The following PYGB variants were observed in gnomAD, a reference collection of about 807,000 sequenced individuals.
PYGB encodes the protein glycogen phosphorylase, brain form.
A neutral mutation model predicts 94.3 loss-of-function variants in PYGB; 82 were observed. The ratio of observed to expected loss-of-function variants is 0.87; its 90% confidence interval spans 0.73 to 1.04. PYGB has a LOEUF of 1.04. PYGB is among the 50% of genes least tolerant of loss of function. The pLI is 0.00. For synonymous variants in PYGB, 488 were observed against 479.1 expected, an observed-to-expected ratio of 1.02 and a Z score of -0.24; for missense variants, 1,132 against 1,158.2, an observed-to-expected ratio of 0.98 and a Z score of 0.33.
At chr20:25,253,403 G>A (rs931679889) in intron 1 of PYGB, among the ~76,000 whole-genome samples, 1 of 152,170 alleles carries the variant, frequency 6.6e-6, no homozygotes, top group African/African-American at 2.4e-5. Context: ...TGTAATCCCA[G>A]CACTTTGGGA....
At chr20:25,282,221 C>T in intron 12 of PYGB, 74 bp downstream of exon 12, 1 of 1,274,796 alleles carries the variant, frequency 7.8e-7, no homozygotes, top group African/African-American at 1.5e-5. Context: ...TCAGCCCCTG[C>T]TGAGCGGTTG....
intron 17 of PYGB, 57 bp from the exon 18 acceptor site, chr20:25,294,101 C>A (rs1600745268): frequency 2.8e-5 from 44 of 1,591,884 alleles, no homozygotes; most frequent in Non-Finnish European, 3.8e-5. Flanking sequence ...ATGGCTTGTT[C>A]TCCAAGGTGG....
At chr20:25,255,733 ACT>A (rs1263232872) in intron 1 of PYGB, among the ~76,000 whole-genome samples, 1 of 141,066 alleles carries the variant, frequency 7.1e-6, no homozygotes, top group Non-Finnish European at 1.5e-5. Flanking sequence ...CAGCCGCCCA[ACT>A]CTTTTTTTTT....
At chr20:25,296,267 C>A in intron 19 of PYGB, 103 bp from the exon 20 acceptor site, 1 of 1,425,140 alleles carries the variant, frequency 7.0e-7, no homozygotes, top group Non-Finnish European at 9.8e-7. Context: ...GGCCCCAAGG[C>A]TCGGAGCTCA....
intron 7 of PYGB, 74 bp downstream of exon 7, chr20:25,277,400 G>T (rs1368711440): frequency 6.9e-7 from 1 of 1,439,016 alleles, no homozygotes; most frequent in Non-Finnish European, 9.7e-7. Flanking sequence ...TGGCTGGCCG[G>T]GCTCCCCAGT....
chr20:25,253,147 G>C (rs1375398125), intron 1 of PYGB, among the ~76,000 whole-genome samples: 1 of 152,224 alleles, frequency 6.6e-6, no homozygotes, highest in Non-Finnish European at 1.5e-5. Flanking sequence ...ATGGGGGAAG[G>C]CCTTGCAGAA....
intron 1 of PYGB, among the ~76,000 whole-genome samples, chr20:25,252,749 A>G (rs1362679112): frequency 1.3e-5 from 2 of 152,224 alleles, no homozygotes; most frequent in South Asian, 2.1e-4. Context: ...ACTGAACTGG[A>G]AGGAAGCTCT....
intron 2 of PYGB, among the ~76,000 whole-genome samples, chr20:25,260,285 A>G (rs545971112): frequency 6.6e-6 from 1 of 152,328 alleles, no homozygotes; most frequent in East Asian, 1.9e-4. Flanking sequence ...AACATGTAAT[A>G]TCTTAGTCTT....
chr20:25,290,182 G>A (rs1482596411), intron 15 of PYGB, among the ~76,000 whole-genome samples: 4 of 152,172 alleles, frequency 2.6e-5, no homozygotes, highest in Non-Finnish European at 4.4e-5. Context: ...CCTGTCAGTC[G>A]GCAGCTCTAG....
chr20:25,286,062 A>G (rs1386893615), intron 14 of PYGB, among the ~76,000 whole-genome samples: 1 of 152,108 alleles, frequency 6.6e-6, no homozygotes, highest in Non-Finnish European at 1.5e-5. Context: ...GTGTGTGTGC[A>G]GAAGTCTGGC....
rs2088355041 is a variant in PYGB at position 25,280,384 on chromosome 20, T to A, written c.1211T>A (p.Ile404Asn). ...EKLLPRHLEI[I>N]YAINQRHLDH... ...CTGCTGCCGCGGCACCTGGAGATAA[T>A]CTATGCCATCAACCAGCGGCACCTG... Residue 404 changes from isoleucine to asparagine, a missense_variant, in exon 10 of 20, where the codon ATC becomes AAC. Ile to Asn is a moderately radical substitution (Grantham distance 149). Coordinates refer to ENST00000216962, the MANE Select transcript of PYGB (RefSeq NM_002862.4). 1 of 1,614,024 alleles carries A rather than the reference T, an allele frequency of 6.2e-7. No homozygotes were observed. Among genetic ancestry groups the A allele is most frequent in the Non-Finnish European group, 8.5e-7 (1 of 1,180,018 alleles).
intron 15 of PYGB, 60 bp from the exon 16 acceptor site, chr20:25,290,421 C>T (rs570431454): frequency 8.3e-6 from 13 of 1,573,104 alleles, no homozygotes; most frequent in Middle Eastern, 1.9e-4. Context: ...GAACCAGGAG[C>T]GCCTCCAAGG....
intron 18 of PYGB, among the ~76,000 whole-genome samples, chr20:25,295,258 G>A (rs574877668): frequency 2.6e-5 from 4 of 152,368 alleles, no homozygotes; most frequent in Admixed American, 1.3e-4. Context: ...CTGAGGCGGC[G>A]CCATGGGCTC....
intron 2 of PYGB, among the ~76,000 whole-genome samples, chr20:25,261,355 T>TA: frequency 6.6e-6 from 1 of 152,196 alleles, no homozygotes. Flanking sequence ...CTGCTGGTGA[T>TA]ACCCAGGCAA....
chr20:25,294,331 G>A (rs1251182790), intron 18 of PYGB, 39 bp downstream of exon 18: 2 of 1,180,642 alleles, frequency 1.7e-6, no homozygotes, highest in Non-Finnish European at 2.5e-6. Context: ...TGGGAGGGAG[G>A]GAGGGAGGGA....
Position 25,281,005 on chromosome 20 carries a change from CGAG to C in PYGB, c.1301_1303del (p.Glu434del), listed in dbSNP as rs1568693781. 3 of 1,614,130 alleles carry C rather than the reference CGAG, an allele frequency of 1.9e-6. No homozygotes were observed. The highest frequency in any genetic ancestry group is 2.5e-6 in the Non-Finnish European group (3 of 1,180,014). ...ACCGCCTGCGCAGGATGTCTGTGAT[CGAG>C]GAGGGGGACTGCAAGCGGATCAACA... On this transcript the variant is annotated inframe_deletion, in exon 11 of 20. Coordinates refer to ENST00000216962, the MANE Select transcript of PYGB (RefSeq NM_002862.4).
rs550336851 is a variant in PYGB at position 25,288,285 on chromosome 20, C to T, written c.1769-140C>T. On this transcript the variant is annotated intron_variant, in intron 14 of 19. Coordinates refer to ENST00000216962, the MANE Select transcript of PYGB (RefSeq NM_002862.4). The stretch of plus-strand genomic sequence containing the variant: ...GTGGCCAGTGGCCCTGTGCCACTGT[C>T]ACCCGTGTCTCTGGGGCTTGAAGTA... 652 of 987,428 alleles carry T rather than the reference C, an allele frequency of 6.6e-4. 4 individuals carry two copies. Among genetic ancestry groups the T allele is most frequent in the Middle Eastern group, 1.0e-3 (5 of 4,866 alleles). 61.2% of individuals were successfully genotyped at this position (987,428 alleles called of 1,614,324 possible).
At chr20:25,260,361 A>G (rs1176192240) in intron 2 of PYGB, among the ~76,000 whole-genome samples, 1 of 152,240 alleles carries the variant, frequency 6.6e-6, no homozygotes, top group East Asian at 1.9e-4. Flanking sequence ...GTTCTTACAT[A>G]TAGTAAAAAT....
At chr20:25,280,825 G>C (rs1367681134) in intron 10 of PYGB, 124 bp from the exon 11 acceptor site, 1 of 1,306,706 alleles carries the variant, frequency 7.7e-7, no homozygotes, top group Non-Finnish European at 1.1e-6. Context: ...CACAGCCCCA[G>C]AACTTCCCTG....
Sources: allele counts gnomAD v4.1 joint callset (sites outside exome capture counted in the v4.1 genomes callset), GRCh38; gene constraint gnomAD v4.1.1; transcripts MANE v1.5; gene names NCBI Gene and HGNC (gene_info 2026-07-23, HGNC 2026-07-21).